Variants in C10orf105 observed in about 807,000 individuals in gnomAD.
C10orf105 encodes the protein chromosome 10 open reading frame 105.
Under a neutral mutation model 0.6 loss-of-function variants are expected in C10orf105, and 2 were observed. The observed-to-expected ratio is 3.18, with a 90% CI of 1.30 to 10.01. C10orf105 has a LOEUF of 10.01. C10orf105 is among the 30% of genes most tolerant of loss of function. The pLI, the probability that C10orf105 is intolerant of heterozygous loss-of-function variation, is 0.04. For missense variants in C10orf105, 209 were observed against 191.4 expected (o/e 1.09, Z -0.54); for synonymous variants, 95 against 82.4 (o/e 1.15, Z -0.83).
At position 71,735,333 on chromosome 10, in the gene C10orf105, G is replaced by A. The variant is rs141351736; in HGVS notation, c.-6+2395C>T. The stretch of plus-strand genomic sequence containing the variant: ...AGAGAAGACCATGTGCTGGGCCCCT[G>A]GGGGAGGGGGGCCCACTGAGGTCAG... On this transcript the variant is annotated intron_variant, in intron 1 of 1. Coordinates refer to the C10orf105 transcript ENST00000398786. Among the ~76,000 whole-genome samples the A allele has an allele frequency of 5.9e-3, 904 of 152,282 alleles. 13 individuals carry two copies. Among genetic ancestry groups the A allele is most frequent in the African/African-American group, 0.021 (868 of 41,544 alleles).
rs376885908 is a variant in C10orf105, at chr10:71,713,139, G to T, written c.*2797C>A. On this transcript the variant is annotated 3_prime_UTR_variant, in exon 2 of 2. Transcript: ENST00000441508. Reference sequence around the variant, plus strand: ...GGAGAAAGAGACGTCACAATTTCCCGGAAAGGAGTTGAGAAGAGAGCCAGG... The same window carrying T: ...GGAGAAAGAGACGTCACAATTTCCCTGAAAGGAGTTGAGAAGAGAGCCAGG... 1 of 778,608 alleles carries T rather than the reference G, an allele frequency of 1.3e-6. No homozygotes were observed. The highest frequency in any genetic ancestry group is 1.7e-5 in the Admixed American group (1 of 58,886). 48.2% of individuals were successfully genotyped at this position (778,608 alleles called of 1,614,324 possible).
intron 1 of C10orf105, among the ~76,000 whole-genome samples, chr10:71,724,813 C>G (rs1866735004): frequency 6.6e-6 from 1 of 152,176 alleles, no homozygotes; most frequent in African/African-American, 2.4e-5. Context: ...TCCCACTTCT[C>G]GAATCAGGGG....
chr10:71,713,298 G>A lies in C10orf105; in HGVS notation c.*2638C>T, dbSNP rs750046743. ...GGCGCAACAGCTCCAAGGCTCAGAG[G>A]GAGAGAAGGGAGGACCCTGAAAACA... is the stretch of plus-strand genomic sequence containing the variant. On this transcript the variant is annotated 3_prime_UTR_variant, in exon 2 of 2. Transcript: ENST00000441508. The A allele has an allele frequency of 1.3e-6, 1 of 779,096 alleles. No homozygotes were observed. The highest frequency in any genetic ancestry group is 1.7e-5 in the African/African-American group (1 of 59,152). 48.3% of individuals were successfully genotyped at this position (779,096 alleles called of 1,614,324 possible).
At chr10:71,723,405 G>A (rs1487146450), upstream of C10orf105, among the ~76,000 whole-genome samples, 8 of 151,912 alleles carry the variant, frequency 5.3e-5, no homozygotes, top group South Asian at 4.2e-4. Flanking sequence ...TGACAACAAC[G>A]TCCCCCCCCA....
upstream of C10orf105, among the ~76,000 whole-genome samples, chr10:71,724,769 A>G (rs1866732302): frequency 6.6e-6 from 1 of 152,144 alleles, no homozygotes; most frequent in Admixed American, 6.5e-5. Context: ...CCCTGAACCA[A>G]TCGCTATGGC....
At position 71,714,978 on chromosome 10, in the gene C10orf105, G is replaced by C. The variant is rs1256749313; in HGVS notation, c.*958C>G. 1 of 152,286 alleles carries C rather than the reference G, an allele frequency of 6.6e-6. No homozygotes were observed. The highest frequency in any genetic ancestry group is 1.5e-5 in the Non-Finnish European group (1 of 68,092). 9.4% of individuals were successfully genotyped at this position (152,286 alleles called of 1,614,324 possible). A position where few individuals can be genotyped will look rare whatever the true frequency, so the allele number is the denominator to read the frequency against. On this transcript the variant is annotated 3_prime_UTR_variant, in exon 2 of 2. Coordinates refer to ENST00000441508, the MANE Select transcript of C10orf105 (RefSeq NM_001164375.3). ...ATCCTGGGGTGGGACTGCTTTGACG[G>C]GTCATCAGCAAAGCACTCACCAAAA...
chr10:71,718,249 A>G (rs1478345726), intron 1 of C10orf105, among the ~76,000 whole-genome samples: 1 of 152,050 alleles, frequency 6.6e-6, no homozygotes, highest in African/African-American at 2.4e-5. Context: ...CTAGTTCCCC[A>G]CCCGAGGGAC....
At chr10:71,726,420 A>G (rs2132808731) in intron 1 of C10orf105, among the ~76,000 whole-genome samples, 1 of 152,292 alleles carries the variant, frequency 6.6e-6, no homozygotes, top group South Asian at 2.1e-4. Flanking sequence ...CACAAACACG[A>G]TGGGTCTGAT....
At position 71,734,531 on chromosome 10, in the gene C10orf105, G is replaced by A. The variant is rs55724553; in HGVS notation, c.-6+3197C>T. 0.2 allele frequency: 315,499 copies of A among 1,601,336 alleles called. 32,817 individuals carry two copies. Among genetic ancestry groups the A allele is most frequent in the South Asian group, 0.34 (30,474 of 89,434 alleles). Reference sequence around the variant, plus strand: ...AGGTTGGGCTAGGATGAGACCTCAGGCAGGTGGAGGGTGGCACCTCCAGAG... The same window carrying A: ...AGGTTGGGCTAGGATGAGACCTCAGACAGGTGGAGGGTGGCACCTCCAGAG... On this transcript the variant is annotated intron_variant, in intron 1 of 1. Coordinates refer to the C10orf105 transcript ENST00000398786.
upstream of C10orf105, chr10:71,724,232 G>T: frequency 1.1e-6 from 1 of 919,812 alleles, no homozygotes; most frequent in Non-Finnish European, 1.7e-6. Context: ...ATGGGGCGAG[G>T]CCAGAGGGAG....
rs1207348582 is a variant in C10orf105, at chr10:71,732,296, A to C, written c.-6+5432T>G. On this transcript the variant is annotated intron_variant, in intron 1 of 1. Transcript: ENST00000398786. Reference sequence around the variant, plus strand: ...CGGGTCCAGGCCTACTCCATCGACAACCTCAACCAAATCACGTACCGCTTC... The same window carrying C: ...CGGGTCCAGGCCTACTCCATCGACACCCTCAACCAAATCACGTACCGCTTC... 6.2e-7 allele frequency: 1 copy of C among 1,612,350 alleles called. No individual in the cohort carries two copies. Among genetic ancestry groups the C allele is most frequent in the Admixed American group, 1.7e-5 (1 of 59,822 alleles).
intron 1 of C10orf105, among the ~76,000 whole-genome samples, chr10:71,725,753 T>G (rs145180947): frequency 2.6e-5 from 4 of 152,330 alleles, no homozygotes; most frequent in African/African-American, 9.6e-5. Context: ...GATACTGATG[T>G]CTGTCCTAAG....
chr10:71,727,975 C>A (rs1168309876), intron 1 of C10orf105, among the ~76,000 whole-genome samples: 1 of 152,160 alleles, frequency 6.6e-6, no homozygotes, highest in Admixed American at 6.5e-5. Context: ...GGCATGTAGC[C>A]AGACTCATGG....
chr10:71,718,560 C>A (rs1866400206), intron 1 of C10orf105, among the ~76,000 whole-genome samples: 3 of 152,230 alleles, frequency 2.0e-5, no homozygotes, highest in Non-Finnish European at 2.9e-5. Flanking sequence ...TGGGGTGTGC[C>A]CACCGCTCAT....
rs959857280 is a variant in C10orf105 at position 71,716,010 on chromosome 10, C to T, written c.328G>A (p.Val110Ile). 48 of 1,500,032 alleles carry T rather than the reference C, an allele frequency of 3.2e-5. No individual in the cohort carries two copies. The highest frequency in any genetic ancestry group is 1.4e-4 in the Admixed American group (6 of 42,084). The allele number at this position is 1,500,032 out of a possible 1,614,324, so 92.9% of individuals were successfully genotyped here. ...GGGCCCGGCAGGGGCTGTCGAGGGACGGTGGGCCGGCCATGGCGGAAGCTG... is the reference window on the plus strand; with the variant it reads ...GGGCCCGGCAGGGGCTGTCGAGGGATGGTGGGCCGGCCATGGCGGAAGCTG... Reference protein sequence around the residue: ...LHSFRHGRPTVPRQPLPGPED... With the variant: ...LHSFRHGRPTIPRQPLPGPED... Residue 110 changes from valine to isoleucine, a missense_variant, in exon 2 of 2, where the codon GTC (valine) becomes ATC (isoleucine). Transcript: ENST00000441508.
At chr10:71,734,712 G>A in intron 1 of C10orf105, 1 of 1,235,968 alleles carries the variant, frequency 8.1e-7, no homozygotes, top group South Asian at 1.2e-5. Context: ...GGCCAGTGCT[G>A]GCCGGGCTCT....
Position 71,732,383 on chromosome 10 carries a change from G to C in C10orf105, c.-6+5345C>G, listed in dbSNP as rs757960871. 5.0e-5 allele frequency: 77 copies of C among 1,555,508 alleles called. No individual in the cohort carries two copies. Among genetic ancestry groups the C allele is most frequent in the Non-Finnish European group, 4.4e-5 (50 of 1,149,090 alleles). ...AAGATAGACGCCATCACGGTGAGGG[G>C]CTGGGGGCAGGGAGCACCATTTCTT... is the stretch of plus-strand genomic sequence containing the variant. On this transcript the variant is annotated intron_variant, in intron 1 of 1. Transcript: ENST00000398786.
rs397517321 is a variant in C10orf105 at position 71,712,775 on chromosome 10, G to A, written c.*3161C>T. On this transcript the variant is annotated 3_prime_UTR_variant, in exon 2 of 2. Transcript: ENST00000441508. Reference sequence around the variant, plus strand: ...TCTGCAGAGCAGCTATGAGGCCAGCGTCCCTGAGGACATCCCTGAAGGCCA... The same window carrying A: ...TCTGCAGAGCAGCTATGAGGCCAGCATCCCTGAGGACATCCCTGAAGGCCA... 1.3e-4 allele frequency: 210 copies of A among 1,612,936 alleles called. No individual in the cohort carries two copies. Among genetic ancestry groups the A allele is most frequent in the Non-Finnish European group, 1.6e-4 (187 of 1,179,664 alleles).
upstream of C10orf105, among the ~76,000 whole-genome samples, chr10:71,720,656 G>A (rs1214786675): frequency 6.6e-6 from 1 of 152,222 alleles, no homozygotes; most frequent in Non-Finnish European, 1.5e-5. Context: ...CTGGTTTTTA[G>A]CTGTTCCCTC....
Sources: allele counts gnomAD v4.1 joint callset (sites outside exome capture counted in the v4.1 genomes callset), GRCh38; gene constraint gnomAD v4.1.1; transcripts MANE v1.5; gene names NCBI Gene and HGNC (gene_info 2026-07-23, HGNC 2026-07-21).